The following ETV6 variants were observed in gnomAD, a reference collection of about 807,000 sequenced individuals.
ETV6 encodes ETS variant transcription factor 6, also known as transcription factor ETV6.
Under a neutral mutation model 51.1 loss-of-function variants are expected in ETV6, and 16 were observed. That is an observed-to-expected ratio of 0.31 (90% CI 0.21 to 0.48). ETV6 has a LOEUF of 0.48. Among genes scored for constraint, ETV6 ranks in the 20% least tolerant of loss-of-function variants. The pLI is 0.99. For missense variants in ETV6, 458 were observed against 594.8 expected, an observed-to-expected ratio of 0.77 and a Z score of 2.39; for synonymous variants, 240 against 224.1, an observed-to-expected ratio of 1.07 and a Z score of -0.64.
intron 2 of ETV6, among the ~76,000 whole-genome samples, chr12:11,826,069 C>G (rs926291387): frequency 1.3e-5 from 2 of 152,096 alleles, no homozygotes; most frequent in Admixed American, 1.3e-4. Flanking sequence ...CTCCTGGCCT[C>G]AAGCAGTCCT....
chr12:11,733,487 TATC>T (rs1291732767), intron 1 of ETV6, among the ~76,000 whole-genome samples: 2 of 151,260 alleles, frequency 1.3e-5, no homozygotes, highest in Non-Finnish European at 2.9e-5. Context: ...TTTTCTGACA[TATC>T]ATCTTGTTTT....
In ETV6 at chr12:11,893,900, G is replaced by A. The variant is rs891822071; in HGVS notation, c.*2854G>A. The A allele has an allele frequency of 3.6e-5, 7 of 192,022 alleles. No homozygotes were observed. Among genetic ancestry groups the A allele is most frequent in the Middle Eastern group, 1.7e-3 (1 of 574 alleles). 11.9% of individuals were successfully genotyped at this position (192,022 alleles called of 1,614,324 possible). A position where few individuals can be genotyped will look rare whatever the true frequency, so the allele number is the denominator to read the frequency against. ...TACAAAAAAAAACATTTAAAAATCC[G>A]AGACCCAGAACACTTCTGGTCCCAA... is the stretch of plus-strand genomic sequence containing the variant. On this transcript the variant is annotated 3_prime_UTR_variant, in exon 8 of 8. Coordinates refer to ENST00000396373, the MANE Select transcript of ETV6 (RefSeq NM_001987.5).
chr12:11,803,161 C>G (rs1945776003), intron 2 of ETV6, among the ~76,000 whole-genome samples: 1 of 152,136 alleles, frequency 6.6e-6, no homozygotes. Flanking sequence ...GCTTGGTGCT[C>G]TTTGCTTTGT....
intron 7 of ETV6, among the ~76,000 whole-genome samples, chr12:11,890,437 T>G (rs1182800337): frequency 6.6e-6 from 1 of 152,072 alleles, no homozygotes; most frequent in Non-Finnish European, 1.5e-5. Flanking sequence ...CTTTTTTTTT[T>G]TTTTCCAATA....
chr12:11,812,206 C>T (rs765855525), intron 2 of ETV6, among the ~76,000 whole-genome samples: 3 of 152,030 alleles, frequency 2.0e-5, no homozygotes, highest in Non-Finnish European at 4.4e-5. Context: ...AGAAATTGAC[C>T]GCGTGCACAC....
At position 11,839,913 on chromosome 12, in the gene ETV6, ACT is replaced by A. The variant is rs1336842506; in HGVS notation, c.328+614_328+615del. The stretch of plus-strand genomic sequence containing the variant: ...AAAAAAATGCCATTTTGGCCTTTTG[ACT>A]CTCTAAAAGAGATAGCTGAGAGTGA... On this transcript the variant is annotated intron_variant, in intron 3 of 7. Coordinates refer to ENST00000396373, the MANE Select transcript of ETV6 (RefSeq NM_001987.5). Among the ~76,000 whole-genome samples the A allele has an allele frequency of 2.0e-5, 3 of 152,130 alleles. No individual in the cohort carries two copies. In the East Asian group the frequency reaches 5.8e-4, roughly 29 times the overall value.
chr12:11,888,845 C>T (rs2069420861), intron 7 of ETV6, among the ~76,000 whole-genome samples: 1 of 152,126 alleles, frequency 6.6e-6, no homozygotes, highest in Non-Finnish European at 1.5e-5. Flanking sequence ...AGAGCGACTA[C>T]AGGATTTATA....
At chr12:11,863,664 A>C (rs949351923) in intron 4 of ETV6, among the ~76,000 whole-genome samples, 19 of 152,190 alleles carry the variant, frequency 1.2e-4, no homozygotes, top group African/African-American at 4.3e-4. Flanking sequence ...TTTAGACAGA[A>C]GACTCCTACA....
At chr12:11,868,008 T>C (rs1378271595) in intron 4 of ETV6, among the ~76,000 whole-genome samples, 1 of 152,190 alleles carries the variant, frequency 6.6e-6, no homozygotes, top group Non-Finnish European at 1.5e-5. Flanking sequence ...TCTGATGTTA[T>C]CCTCGCTCAC....
intron 2 of ETV6, among the ~76,000 whole-genome samples, chr12:11,793,821 C>G (rs1945639299): frequency 1.3e-5 from 2 of 152,186 alleles, no homozygotes; most frequent in South Asian, 4.1e-4. Context: ...AGGAAGGCAG[C>G]GTTCTCCTTT....
intron 1 of ETV6, among the ~76,000 whole-genome samples, chr12:11,704,681 T>C (rs1865040845): frequency 1.3e-5 from 2 of 152,174 alleles, no homozygotes; most frequent in South Asian, 4.1e-4. Context: ...AATTTTATTG[T>C]TTATATTTGA....
chr12:11,699,612 T>G (rs954424047), intron 1 of ETV6, among the ~76,000 whole-genome samples: 2 of 151,860 alleles, frequency 1.3e-5, no homozygotes, highest in African/African-American at 4.8e-5. Context: ...AGAGGAGAAA[T>G]AAAGTGCGGA....
chr12:11,862,528 A>G (rs375948093), intron 4 of ETV6, among the ~76,000 whole-genome samples: 1 of 152,164 alleles, frequency 6.6e-6, no homozygotes, highest in South Asian at 2.1e-4. Flanking sequence ...GCTGTGAGGT[A>G]GGATCTGTTC....
chr12:11,752,736 T>G, intron 2 of ETV6, 157 bp downstream of exon 2: 3 of 780,768 alleles, frequency 3.8e-6, no homozygotes, highest in South Asian at 2.6e-5. Context: ...TACCCCCAGA[T>G]ACCTTTGAAA....
At chr12:11,784,075 A>G (rs982443346) in intron 2 of ETV6, among the ~76,000 whole-genome samples, 3 of 152,124 alleles carry the variant, frequency 2.0e-5, no homozygotes, top group African/African-American at 7.2e-5. Context: ...GGAGATGGTG[A>G]GACCCATTCT....
chr12:11,770,785 A>G (rs1456097358), intron 2 of ETV6, among the ~76,000 whole-genome samples: 2 of 152,214 alleles, frequency 1.3e-5, no homozygotes, highest in Non-Finnish European at 2.9e-5. Flanking sequence ...CTGTGGTCCC[A>G]GTTATTCAGG....
chr12:11,874,547 CACATATAT>C (rs1946939469), intron 5 of ETV6, among the ~76,000 whole-genome samples: 1 of 878 alleles, frequency 1.1e-3, no homozygotes, highest in Non-Finnish European at 0.012. Context: ...CGTGTGTACA[CACATATAT>C]GTGTATGTGC....
intron 1 of ETV6, among the ~76,000 whole-genome samples, chr12:11,662,793 A>G (rs1864124480): frequency 6.6e-6 from 1 of 152,192 alleles, no homozygotes; most frequent in African/African-American, 2.4e-5. Context: ...AATTGGAAAG[A>G]ATTTTCTTCG....
chr12:11,755,031 T>C (rs1164514394), intron 2 of ETV6, among the ~76,000 whole-genome samples: 1 of 152,252 alleles, frequency 6.6e-6, no homozygotes, highest in Non-Finnish European at 1.5e-5. Flanking sequence ...CTCCAGAGCC[T>C]AGGATCTTAT....
Sources: gnomAD v4.1 joint callset for allele counts (sites outside exome capture counted in the v4.1 genomes callset) on GRCh38, gnomAD v4.1.1 for gene constraint, MANE v1.5 for transcripts, NCBI Gene and HGNC (gene_info 2026-07-23, HGNC 2026-07-21) for gene names.